RASGRF2: variants seen among roughly 807,000 people sequenced by gnomAD.
RASGRF2 encodes the protein Ras protein specific guanine nucleotide releasing factor 2, also known as ras-specific guanine nucleotide-releasing factor 2.
A neutral mutation model predicts 151.0 loss-of-function variants in RASGRF2; 76 were observed. The ratio of observed to expected loss-of-function variants is 0.50; its 90% CI spans 0.42 to 0.61. The LOEUF (loss-of-function observed/expected upper bound fraction) is 0.61, where lower values mean the gene tolerates loss of function less well. RASGRF2 is among the 20% of genes least tolerant of loss of function. The probability of loss-of-function intolerance (pLI) is 0.00; values close to 1 mark genes in which losing one functional copy is unlikely to be tolerated. For missense variants in RASGRF2, 1,148 were observed against 1,564.6 expected, an observed-to-expected ratio of 0.73 and a Z score of 4.49; for synonymous variants, 504 against 566.5, an observed-to-expected ratio of 0.89 and a Z score of 1.57.
intron 17 of RASGRF2, among the ~76,000 whole-genome samples, chr5:81,127,483 A>G (rs1003774948): frequency 6.6e-6 from 1 of 152,116 alleles, no homozygotes; most frequent in Non-Finnish European, 1.5e-5. Context: ...TGATCATGCC[A>G]CTGCACTCCA....
intron 2 of RASGRF2, among the ~76,000 whole-genome samples, chr5:81,056,757 A>G (rs948249376): frequency 2.0e-5 from 3 of 152,014 alleles, no homozygotes; most frequent in Admixed American, 6.6e-5. Context: ...TATTGTGTGG[A>G]AGTCTGAGTC....
At chr5:81,109,221 G>T in intron 13 of RASGRF2, 143 bp downstream of exon 13, 1 of 1,381,552 alleles carries the variant, frequency 7.2e-7, no homozygotes, top group Admixed American at 3.0e-5. Flanking sequence ...TGATTCATAT[G>T]ATTCCATTAT....
At chr5:81,064,024 C>A (rs940146024) in intron 2 of RASGRF2, among the ~76,000 whole-genome samples, 1 of 152,166 alleles carries the variant, frequency 6.6e-6, no homozygotes, top group Non-Finnish European at 1.5e-5. Context: ...TATTGTTATA[C>A]ACAGTTTCTG....
chr5:81,075,605 T>C (rs1048887432), intron 5 of RASGRF2, among the ~76,000 whole-genome samples: 1 of 152,180 alleles, frequency 6.6e-6, no homozygotes, highest in Admixed American at 6.5e-5. Flanking sequence ...AAAGGTAAGA[T>C]TGCAACGTTT....
chr5:80,989,980 C>T (rs1206943026), intron 1 of RASGRF2, among the ~76,000 whole-genome samples: 1 of 152,190 alleles, frequency 6.6e-6, no homozygotes, highest in Non-Finnish European at 1.5e-5. Flanking sequence ...GAGAATTCCT[C>T]TGCTCATGTA....
intron 17 of RASGRF2, among the ~76,000 whole-genome samples, chr5:81,154,418 C>G (rs1754209801): frequency 6.6e-6 from 1 of 152,060 alleles, no homozygotes; most frequent in African/African-American, 2.4e-5. Context: ...TTTGTAGAGA[C>G]AGGGTCTCAC....
At chr5:81,166,696 G>C (rs140729233) in intron 17 of RASGRF2, among the ~76,000 whole-genome samples, 2 of 152,174 alleles carry the variant, frequency 1.3e-5, no homozygotes, top group African/African-American at 4.8e-5. Context: ...TGAGGTCAGC[G>C]AAAGGATGGT....
intron 18 of RASGRF2, among the ~76,000 whole-genome samples, chr5:81,191,000 A>C (rs13188677): frequency 0.17 from 25,923 of 151,976 alleles, 2,279 homozygotes; most frequent in Admixed American, 0.21. Flanking sequence ...TATTTTTCCT[A>C]ATTTGTCTCC....
intron 17 of RASGRF2, among the ~76,000 whole-genome samples, chr5:81,127,778 G>T (rs992028314): frequency 6.6e-6 from 1 of 151,822 alleles, no homozygotes; most frequent in Admixed American, 6.6e-5. Flanking sequence ...ATAAAAATTA[G>T]CTGGGCATGG....
chr5:80,983,407 G>T (rs1231683408), intron 1 of RASGRF2, among the ~76,000 whole-genome samples: 1 of 152,218 alleles, frequency 6.6e-6, no homozygotes, highest in African/African-American at 2.4e-5. Flanking sequence ...CTGGGATCTG[G>T]TGAAACTGAT....
At chr5:81,183,131 A>G (rs1580386897) in intron 18 of RASGRF2, 1 of 955,056 alleles carries the variant, frequency 1.0e-6, no homozygotes, top group East Asian at 1.2e-4. Flanking sequence ...TCAAAACTAC[A>G]GCCAAGCATG....
At chr5:81,193,709 G>A (rs1286304788) in intron 18 of RASGRF2, among the ~76,000 whole-genome samples, 2 of 152,026 alleles carry the variant, frequency 1.3e-5, no homozygotes, top group African/African-American at 4.8e-5. Context: ...TAGAGATGGG[G>A]TTTCACCATG....
At chr5:81,147,431 C>T (rs1405105224) in intron 17 of RASGRF2, among the ~76,000 whole-genome samples, 2 of 152,120 alleles carry the variant, frequency 1.3e-5, no homozygotes, top group Non-Finnish European at 2.9e-5. Context: ...TTAATATTTC[C>T]AAGATTTCTG....
At chr5:81,099,907 C>CTTTTTTTTT (rs577876645) in intron 12 of RASGRF2, among the ~76,000 whole-genome samples, 42 of 125,034 alleles carry the variant, frequency 3.4e-4, no homozygotes, top group Middle Eastern at 3.7e-3. Context: ...TTTCTTTTTT[C>CTTTTTTTTT]TTTTTTTTTT....
intron 1 of RASGRF2, among the ~76,000 whole-genome samples, chr5:81,024,554 C>T (rs1335495465): frequency 1.3e-5 from 2 of 152,148 alleles, no homozygotes; most frequent in African/African-American, 4.8e-5. Context: ...GCCACAATGC[C>T]TGGCCTCATA....
intron 18 of RASGRF2, 70 bp downstream of exon 18, chr5:81,180,351 T>TG: frequency 2.2e-6 from 2 of 927,104 alleles, no homozygotes; most frequent in African/African-American, 1.6e-5. Flanking sequence ...TTGTGACACA[T>TG]GTAAAACACC....
chr5:81,179,799 G>A (rs1052194603), intron 17 of RASGRF2, among the ~76,000 whole-genome samples: 1 of 152,208 alleles, frequency 6.6e-6, no homozygotes, highest in African/African-American at 2.4e-5. Context: ...GTTATCGGTT[G>A]TGCAGTTACT....
intron 18 of RASGRF2, among the ~76,000 whole-genome samples, chr5:81,182,233 T>C (rs1418445987): frequency 6.6e-6 from 1 of 152,212 alleles, no homozygotes; most frequent in East Asian, 1.9e-4. Context: ...AGTCTTCTCT[T>C]CTGACCTCAC....
intron 1 of RASGRF2, among the ~76,000 whole-genome samples, chr5:81,018,869 C>A (rs900284215): frequency 1.3e-4 from 19 of 149,526 alleles, no homozygotes; most frequent in Admixed American, 1.1e-3. Flanking sequence ...GTGGCGCAAT[C>A]TCGGCTCACT....
Sources: allele counts gnomAD v4.1 joint callset (sites outside exome capture counted in the v4.1 genomes callset), GRCh38; gene constraint gnomAD v4.1.1; transcripts MANE v1.5; gene names NCBI Gene and HGNC (gene_info 2026-07-23, HGNC 2026-07-21).